Variants in PREPL observed in about 807,000 individuals in gnomAD.
PREPL encodes prolyl endopeptidase like.
In PREPL, 77 loss-of-function variants were observed where a neutral mutation model predicts 70.6. The observed-to-expected ratio is 1.09, with a 90% CI of 0.91 to 1.32. PREPL has a LOEUF of 1.32. PREPL is among the 40% of genes most tolerant of loss of function. The probability of loss-of-function intolerance (pLI) is 0.00; values close to 1 mark genes in which losing one functional copy is unlikely to be tolerated. For synonymous variants in PREPL, 315 were observed against 264.8 expected, an observed-to-expected ratio of 1.19 and a Z score of -1.84; for missense variants, 1,002 against 778.2, an observed-to-expected ratio of 1.29 and a Z score of -3.42.
intron 5 of PREPL, among the ~76,000 whole-genome samples, chr2:44,341,140 G>C (rs1675178682): frequency 6.6e-6 from 1 of 152,036 alleles, no homozygotes; most frequent in Non-Finnish European, 1.5e-5. Flanking sequence ...TGACTAAAAA[G>C]CTTATATTTT....
rs149012504 is a variant in PREPL, at chr2:44,321,418, C to T, written c.1855G>A (p.Glu619Lys). Reference sequence around the variant, plus strand: ...CTGGTGCTGTCAAGTCCAAGTTCCTCGTACAGGAATTTAATTTGGGCTGTA... The same window carrying T: ...CTGGTGCTGTCAAGTCCAAGTTCCTTGTACAGGAATTTAATTTGGGCTGTA... ...KITAQIKFLY[E>K]ELGLDSTSVF... The change falls in exon 14 of 14, where the codon GAG becomes AAG. Residue 619 changes from glutamate (E) to lysine (K), a missense_variant. Coordinates refer to ENST00000409411, the MANE Select transcript of PREPL (RefSeq NM_001171613.2). 1,668 of 1,612,692 alleles carry T rather than the reference C, an allele frequency of 1.0e-3. 19 individuals are homozygous for T. The African/African-American group carries it at 0.018, about 17-fold the overall frequency.
intron 1 of PREPL, among the ~76,000 whole-genome samples, chr2:44,346,735 G>C (rs1359619280): frequency 2.6e-5 from 4 of 151,900 alleles, no homozygotes; most frequent in Admixed American, 2.6e-4. Flanking sequence ...AAAATTCCAT[G>C]AACTTTTACA....
chr2:44,322,751 T>C lies in PREPL; in HGVS notation c.1733A>G (p.His578Arg). Residue 578 changes from histidine (H) to arginine (R), a missense_variant, in exon 12 of 14, where the codon CAT becomes CGT. Physicochemically the swap from His to Arg is conservative, Grantham distance 29. Transcript: ENST00000409411. Reference protein sequence around the residue: ...TEKLKEAIAEHAKDTGEGYQT... With the variant: ...TEKLKEAIAERAKDTGEGYQT... ...CCTACCTTCACCTGTGTCCTTAGCATGCTCCGCGATGGCTTCCTTGAGTTT... is the reference window on the plus strand; with the variant it reads ...CCTACCTTCACCTGTGTCCTTAGCACGCTCCGCGATGGCTTCCTTGAGTTT... 1.9e-6 allele frequency: 3 copies of C among 1,613,872 alleles called. No individual in the cohort carries two copies. The highest frequency in any genetic ancestry group is 1.1e-5 in the South Asian group (1 of 91,074).
chr2:44,326,314 G>A (rs903896138), intron 10 of PREPL, among the ~76,000 whole-genome samples: 1 of 151,284 alleles, frequency 6.6e-6, no homozygotes, highest in Non-Finnish European at 1.5e-5. Flanking sequence ...ATAATTCTGA[G>A]TTTAAAACTT....
Position 44,319,780 on chromosome 2 carries a change from G to C in PREPL, c.*1576C>G, listed in dbSNP as rs1672768856. 5.7e-6 allele frequency: 1 copy of C among 176,226 alleles called. No individual in the cohort carries two copies. Among genetic ancestry groups the C allele is most frequent in the African/African-American group, 2.4e-5 (1 of 41,694 alleles). The allele number at this position is 176,226 out of a possible 1,614,324, so 10.9% of individuals were successfully genotyped here. On this transcript the variant is annotated 3_prime_UTR_variant, in exon 14 of 14. Coordinates refer to ENST00000409411, the MANE Select transcript of PREPL (RefSeq NM_001171613.2). ...AGCAACCTACACATTAGTCTACAAA[G>C]GGGAACAAACCCAAATTCCTCAGAA... is the stretch of plus-strand genomic sequence containing the variant.
upstream of PREPL, chr2:44,361,774 C>A (rs1677852955): frequency 3.2e-6 from 2 of 630,636 alleles, no homozygotes; most frequent in Non-Finnish European, 2.4e-6. Flanking sequence ...TCCTCTGGTC[C>A]GCCCTCACTC....
intron 1 of PREPL, chr2:44,359,724 AG>A (rs1161875324): frequency 1.9e-6 from 3 of 1,580,414 alleles, no homozygotes; most frequent in Non-Finnish European, 2.6e-6. Flanking sequence ...ATGATATCAA[AG>A]TCCCTGGTTT....
chr2:44,354,005 A>G (rs1295457326), intron 1 of PREPL, among the ~76,000 whole-genome samples: 1 of 152,106 alleles, frequency 6.6e-6, no homozygotes, highest in South Asian at 2.1e-4. Context: ...CACACACACA[A>G]AAAATCAAAA....
intron 1 of PREPL, among the ~76,000 whole-genome samples, chr2:44,352,312 G>A (rs1046846981): frequency 2.6e-5 from 4 of 152,018 alleles, no homozygotes; most frequent in Non-Finnish European, 5.9e-5. Flanking sequence ...CACCTCAGCT[G>A]GAGTGCAGTG....
intron 1 of PREPL, among the ~76,000 whole-genome samples, chr2:44,358,413 T>A (rs896382174): frequency 6.6e-6 from 1 of 151,948 alleles, no homozygotes; most frequent in Non-Finnish European, 1.5e-5. Context: ...ATAAAAAAAA[T>A]ATTAAAATCA....
At chr2:44,327,323 T>G (rs1380194078) in intron 9 of PREPL, among the ~76,000 whole-genome samples, 3 of 152,168 alleles carry the variant, frequency 2.0e-5, no homozygotes, top group Admixed American at 2.0e-4. Flanking sequence ...CCCAGCAATG[T>G]GGTGTCATTG....
chr2:44,342,653 T>C, intron 4 of PREPL, 101 bp from the exon 5 acceptor site: 1 of 924,526 alleles, frequency 1.1e-6, no homozygotes, highest in Non-Finnish European at 1.6e-6. Context: ...AGTGAGAACA[T>C]GTGCAAGTTT....
At chr2:44,353,740 G>A (rs1036679138) in intron 1 of PREPL, among the ~76,000 whole-genome samples, 3 of 152,100 alleles carry the variant, frequency 2.0e-5, no homozygotes, top group African/African-American at 7.2e-5. Context: ...TTTCAGAAAG[G>A]ACACCAAGAC....
Position 44,323,321 on chromosome 2 carries a change from C to T in PREPL, c.1570G>A (p.Asp524Asn). The change falls in exon 11 of 14, where the codon GAT (aspartate) becomes AAT (asparagine). Residue 524 changes from aspartate (D) to asparagine (N), a missense_variant. Physicochemically the swap from Asp to Asn is conservative, Grantham distance 23. Transcript: ENST00000409411. ...TTTATGTAGTTCTTGTGTTTTTCAT[C>T]AGATGAAGGATTCCCCCATTCTTCT... ...ELEEWGNPSS[D>N]EKHKNYIKRY... 2 of 1,606,566 alleles carry T rather than the reference C, an allele frequency of 1.2e-6. No individual in the cohort carries two copies. The highest frequency in any genetic ancestry group is 8.5e-7 in the Non-Finnish European group (1 of 1,173,852).
intron 4 of PREPL, 72 bp downstream of exon 4, chr2:44,343,673 G>A (rs1675467214): frequency 7.1e-7 from 1 of 1,414,482 alleles, no homozygotes; most frequent in Non-Finnish European, 9.9e-7. Context: ...TCCCTCACAT[G>A]CGACAAAAAA....
intron 10 of PREPL, among the ~76,000 whole-genome samples, chr2:44,323,847 T>G (rs765978052): frequency 1.3e-5 from 2 of 152,188 alleles, no homozygotes; most frequent in Non-Finnish European, 2.9e-5. Context: ...ATGGGGGAGC[T>G]GCTTTGGAAA....
chr2:44,329,011 A>G lies in PREPL; in HGVS notation c.1188T>C (p.Asp396=), dbSNP rs1158827377. ...TCTCAGGCCTGAAATTCATTTTCAA[A>G]TCCATTCCATAAGCTCCATATACAT... is the stretch of plus-strand genomic sequence containing the variant. ...LVHVYGAYGM[D]LKMNFRPERR... Residue 396 remains aspartate, a synonymous_variant, in exon 9 of 14, where the codon GAT becomes GAC. Transcript: ENST00000409411. 1 of 1,614,066 alleles carries G rather than the reference A, an allele frequency of 6.2e-7. No homozygotes were observed.
chr2:44,350,259 G>T (rs1016236940), intron 1 of PREPL, among the ~76,000 whole-genome samples: 1 of 151,574 alleles, frequency 6.6e-6, no homozygotes, highest in African/African-American at 2.4e-5. Flanking sequence ...TGACCAAGAA[G>T]GATTTTTTCC....
intron 12 of PREPL, 97 bp from the exon 13 acceptor site, chr2:44,321,997 C>A (rs994076905): frequency 1.6e-6 from 2 of 1,250,822 alleles, no homozygotes; most frequent in South Asian, 1.6e-5. Context: ...GTACTCAGTT[C>A]AAATAATAGT....
Sources: allele counts gnomAD v4.1 joint callset (sites outside exome capture counted in the v4.1 genomes callset), GRCh38; gene constraint gnomAD v4.1.1; transcripts MANE v1.5; gene names NCBI Gene and HGNC (gene_info 2026-07-23, HGNC 2026-07-21).